PGM1: variants seen among roughly 807,000 people sequenced by gnomAD.
PGM1 encodes the protein phosphoglucomutase-1.
A neutral mutation model predicts 55.6 loss-of-function variants in PGM1; 52 were observed. That is an observed-to-expected ratio of 0.94 (90% CI 0.75 to 1.18). The LOEUF is 1.18. Ranked by LOEUF, PGM1 falls within the 50% of genes most tolerant of loss-of-function variation. The pLI, the probability that PGM1 is intolerant of heterozygous loss-of-function variation, is 0.00. For synonymous variants in PGM1, 287 were observed against 271.7 expected (o/e 1.06, Z -0.55); for missense variants, 724 against 729.3 (o/e 0.99, Z 0.08).
intron 1 of PGM1, among the ~76,000 whole-genome samples, chr1:63,599,033 TAAAAG>T (rs1648159949): frequency 6.6e-6 from 1 of 152,128 alleles, no homozygotes; most frequent in Admixed American, 6.5e-5. Flanking sequence ...GAAAAGGAAA[TAAAAG>T]AACACTGAGC....
intron 7 of PGM1, among the ~76,000 whole-genome samples, chr1:63,646,278 CT>C (rs1649642993): frequency 6.6e-6 from 1 of 152,090 alleles, no homozygotes; most frequent in African/African-American, 2.4e-5. Flanking sequence ...GTGTACAGTT[CT>C]ATTCAGAAAT....
intron 8 of PGM1, 113 bp downstream of exon 8, chr1:63,648,765 A>G: frequency 8.9e-7 from 1 of 1,120,626 alleles, no homozygotes; most frequent in Non-Finnish European, 1.3e-6. Context: ...TAGGTCATCC[A>G]GCCTCTCTCA....
chr1:63,615,998 T>C (rs1481194377), intron 1 of PGM1, among the ~76,000 whole-genome samples: 1 of 151,990 alleles, frequency 6.6e-6, no homozygotes, highest in Non-Finnish European at 1.5e-5. Context: ...TCTTGCTTGT[T>C]TTTCCATTTT....
chr1:63,639,139 C>T (rs1649447025), intron 7 of PGM1, among the ~76,000 whole-genome samples: 1 of 152,082 alleles, frequency 6.6e-6, no homozygotes, highest in Admixed American at 6.5e-5. Context: ...TAAATGTTTT[C>T]ATTTCTGAGA....
intron 1 of PGM1, among the ~76,000 whole-genome samples, chr1:63,594,529 G>A (rs574805913): frequency 8.0e-4 from 122 of 152,136 alleles, no homozygotes; most frequent in Non-Finnish European, 1.6e-3. Context: ...TGGCAGGCCA[G>A]GAAATTACCG....
chr1:63,620,818 T>G (rs1648861864), intron 1 of PGM1, among the ~76,000 whole-genome samples: 1 of 152,226 alleles, frequency 6.6e-6, no homozygotes, highest in Non-Finnish European at 1.5e-5. Context: ...CCATATGGTT[T>G]AAATGTAATT....
chr1:63,654,169 C>T (rs538153767), intron 9 of PGM1, among the ~76,000 whole-genome samples, 163 bp from the exon 10 acceptor site: 30 of 152,156 alleles, frequency 2.0e-4, no homozygotes, highest in Non-Finnish European at 3.5e-4. Context: ...GAGAGGGTGA[C>T]GGAAGGCAGG....
intron 1 of PGM1, among the ~76,000 whole-genome samples, chr1:63,606,609 C>G: frequency 6.6e-6 from 1 of 152,244 alleles, no homozygotes; most frequent in Middle Eastern, 3.4e-3. Flanking sequence ...GCACTCATGT[C>G]GCATTAATCA....
intron 10 of PGM1, among the ~76,000 whole-genome samples, chr1:63,656,917 A>G (rs1649984276): frequency 6.6e-6 from 1 of 152,172 alleles, no homozygotes; most frequent in African/African-American, 2.4e-5. Flanking sequence ...GTACAACATG[A>G]TGGCTATAAT....
At position 63,628,760 on chromosome 1, in the gene PGM1, G is replaced by A. The variant is rs200950177; in HGVS notation, c.247-665G>A. Among the ~76,000 whole-genome samples the A allele has an allele frequency of 3.9e-5, 6 of 152,198 alleles. No individual in the cohort carries two copies. In the South Asian group the frequency reaches 6.2e-4, roughly 16 times the overall value. On this transcript the variant is annotated intron_variant, in intron 1 of 10. Transcript: ENST00000371084. ...GAATGCAACAGAAGTCCCATCTGTC[G>A]CCCTTTCATGTAGGTCATTCTGACT...
At chr1:63,628,744 A>G (rs942843516) in intron 1 of PGM1, among the ~76,000 whole-genome samples, 3 of 152,190 alleles carry the variant, frequency 2.0e-5, no homozygotes, top group African/African-American at 7.2e-5. Context: ...AGAATGCAAC[A>G]GAAGTCCCAT....
chr1:63,616,976 T>C (rs1648731679), intron 1 of PGM1, among the ~76,000 whole-genome samples: 1 of 152,238 alleles, frequency 6.6e-6, no homozygotes, highest in Admixed American at 6.5e-5. Context: ...TACGCAGGGC[T>C]TGCAAAGCAC....
intron 1 of PGM1, among the ~76,000 whole-genome samples, chr1:63,619,316 A>C (rs1234598106): frequency 1.3e-5 from 2 of 152,214 alleles, no homozygotes; most frequent in Non-Finnish European, 2.9e-5. Flanking sequence ...ACAGTATGGA[A>C]AAAGGGTCAG....
At chr1:63,621,411 T>C (rs1249064108) in intron 1 of PGM1, among the ~76,000 whole-genome samples, 1 of 152,170 alleles carries the variant, frequency 6.6e-6, no homozygotes, top group East Asian at 1.9e-4. Flanking sequence ...AAACTACCAA[T>C]TATGTGGTTG....
intron 1 of PGM1, among the ~76,000 whole-genome samples, chr1:63,607,177 A>G (rs368740666): frequency 1.3e-5 from 2 of 152,072 alleles, no homozygotes; most frequent in South Asian, 2.1e-4. Flanking sequence ...TTCAGTCTCT[A>G]CGTTTGTGTG....
intron 1 of PGM1, among the ~76,000 whole-genome samples, chr1:63,598,698 G>C (rs1648150214): frequency 6.6e-6 from 1 of 152,122 alleles, no homozygotes; most frequent in Non-Finnish European, 1.5e-5. Context: ...CATATTCATG[G>C]ATCCCATTGA....
chr1:63,646,964 C>T (rs538071517), intron 7 of PGM1, among the ~76,000 whole-genome samples: 1 of 151,714 alleles, frequency 6.6e-6, no homozygotes, highest in Non-Finnish European at 1.5e-5. Context: ...CAAATGTGGC[C>T]GGGCATGGTG....
In PGM1 at chr1:63,593,745, C is replaced by T. The variant is rs1647942603; in HGVS notation, c.246+11C>T. 1.9e-6 allele frequency: 3 copies of T among 1,583,040 alleles called. No individual in the cohort carries two copies. The highest frequency in any genetic ancestry group is 2.6e-6 in the Non-Finnish European group (3 of 1,170,432). The stretch of plus-strand genomic sequence containing the variant: ...GCTGCCGCCAACGGGGTAAGGGATG[C>T]GCGGCCCCGCGCCGCTGTGCACCCT... On this transcript the variant is annotated intron_variant, in intron 1 of 10. Transcript: ENST00000371084.
At chr1:63,627,398 G>C (rs1649053832) in intron 1 of PGM1, among the ~76,000 whole-genome samples, 1 of 152,104 alleles carries the variant, frequency 6.6e-6, no homozygotes, top group African/African-American at 2.4e-5. Context: ...GACAGAGGCA[G>C]GGGAGATTGA....
Sources: gnomAD v4.1 joint callset for allele counts (sites outside exome capture counted in the v4.1 genomes callset) on GRCh38, gnomAD v4.1.1 for gene constraint, MANE v1.5 for transcripts, NCBI Gene and HGNC (gene_info 2026-07-23, HGNC 2026-07-21) for gene names.